Variants in DLGAP1 observed in about 807,000 individuals in gnomAD.
DLGAP1 encodes disks large-associated protein 1.
A neutral mutation model predicts 90.8 loss-of-function variants in DLGAP1; 11 were observed. The ratio of observed to expected loss-of-function variants is 0.12; its 90% CI spans 0.08 to 0.20. The LOEUF (loss-of-function observed/expected upper bound fraction) is 0.20. Ranked by LOEUF, DLGAP1 falls within the 10% of genes least tolerant of loss-of-function variation. The pLI is 1.00. For missense variants in DLGAP1, 1,050 were observed against 1,333.8 expected, an observed-to-expected ratio of 0.79 and a Z score of 3.31; for synonymous variants, 558 against 540.7, an observed-to-expected ratio of 1.03 and a Z score of -0.44.
At chr18:3,542,937 A>G (rs1376358747) in intron 9 of DLGAP1, among the ~76,000 whole-genome samples, 1 of 152,228 alleles carries the variant, frequency 6.6e-6, no homozygotes, top group Admixed American at 6.5e-5. Context: ...TAATAAGCAG[A>G]AAGGCAAAAT....
intron 1 of DLGAP1, among the ~76,000 whole-genome samples, chr18:4,236,762 T>C (rs938789295): frequency 6.6e-6 from 1 of 152,062 alleles, no homozygotes. Context: ...CTTTTCTAGC[T>C]GATTTACAAA....
chr18:3,831,712 C>A (rs2068044709), intron 4 of DLGAP1, among the ~76,000 whole-genome samples: 1 of 152,178 alleles, frequency 6.6e-6, no homozygotes, highest in African/African-American at 2.4e-5. Context: ...TTCAGATCTC[C>A]TTTGGCCCAT....
At chr18:4,018,718 T>C (rs1401577556) in intron 2 of DLGAP1, among the ~76,000 whole-genome samples, 1 of 152,204 alleles carries the variant, frequency 6.6e-6, no homozygotes, top group African/African-American at 2.4e-5. Context: ...TGAAGACAAA[T>C]ACAGAATTAT....
chr18:3,871,265 G>A (rs2070732646), intron 4 of DLGAP1, among the ~76,000 whole-genome samples: 2 of 152,172 alleles, frequency 1.3e-5, no homozygotes, highest in Non-Finnish European at 2.9e-5. Flanking sequence ...TTTACAAGGA[G>A]ATTATTAGAT....
intron 1 of DLGAP1, among the ~76,000 whole-genome samples, chr18:4,397,439 A>C (rs542871146): frequency 7.2e-5 from 11 of 152,286 alleles, no homozygotes; most frequent in Admixed American, 5.2e-4. Flanking sequence ...TTGAAACCAC[A>C]CTTTATATCA....
At position 4,008,989 on chromosome 18, in the gene DLGAP1, T is replaced by A. The variant is rs147117380; in HGVS notation, c.-158-3788A>T. 6.0e-3 allele frequency among the ~76,000 whole-genome samples: 915 copies of A among 152,290 alleles called. 6 individuals carry two copies. Among genetic ancestry groups the A allele is most frequent in the South Asian group, 0.024 (117 of 4,828 alleles). On this transcript the variant is annotated intron_variant, in intron 2 of 12. Coordinates refer to ENST00000315677, the MANE Select transcript of DLGAP1 (RefSeq NM_004746.4). ...CGCGATCTCGGCTCACTGCAAGCTC[T>A]GCCTCCCGGGTTCACGCCGTTCTCC... is the stretch of plus-strand genomic sequence containing the variant.
At chr18:4,445,419 G>A (rs964546680) in intron 1 of DLGAP1, among the ~76,000 whole-genome samples, 7 of 150,560 alleles carry the variant, frequency 4.6e-5, no homozygotes, top group Admixed American at 4.6e-4. Flanking sequence ...CTAGCATTAG[G>A]TATATCTCCC....
chr18:4,157,956 T>TA (rs1461255225), intron 1 of DLGAP1, among the ~76,000 whole-genome samples: 46 of 152,238 alleles, frequency 3.0e-4, no homozygotes, highest in African/African-American at 1.1e-3. Context: ...CTTCCTTGAA[T>TA]AATTCCCTGT....
At chr18:3,560,590 A>G (rs1466964564) in intron 9 of DLGAP1, among the ~76,000 whole-genome samples, 1 of 66,616 alleles carries the variant, frequency 1.5e-5, no homozygotes, top group Non-Finnish European at 2.5e-5. Context: ...ACTCAGTCTC[A>G]AAAAAAAAAA....
In DLGAP1 at chr18:3,974,909, A is replaced by C. The variant is rs1007491244; in HGVS notation, c.-73+30207T>G. Among the ~76,000 whole-genome samples the C allele has an allele frequency of 7.2e-4, 109 of 152,292 alleles. 1 individual carries two copies. The highest frequency in any genetic ancestry group is 2.6e-3 in the African/African-American group (107 of 41,566). ...CTTGAGGACATAAAAAAAAAATAAA[A>C]ATAAAAATTAATCAGTCTCAAAAAG... On this transcript the variant is annotated intron_variant, in intron 3 of 12. Coordinates refer to ENST00000315677, the MANE Select transcript of DLGAP1 (RefSeq NM_004746.4).
chr18:4,396,508 G>T (rs1293468410), intron 1 of DLGAP1, among the ~76,000 whole-genome samples: 1 of 152,212 alleles, frequency 6.6e-6, no homozygotes, highest in African/African-American at 2.4e-5. Flanking sequence ...GAAGGAAAAA[G>T]CCTTTCCCAG....
At chr18:4,130,664 G>A (rs1217839007) in intron 2 of DLGAP1, among the ~76,000 whole-genome samples, 5 of 152,022 alleles carry the variant, frequency 3.3e-5, no homozygotes, top group African/African-American at 4.8e-5. Context: ...CCCTCCCATC[G>A]CACACACATA....
intron 7 of DLGAP1, among the ~76,000 whole-genome samples, chr18:3,599,916 C>CA (rs2056803611): frequency 6.6e-6 from 1 of 150,848 alleles, no homozygotes; most frequent in African/African-American, 2.5e-5. Context: ...CATTCCCAGC[C>CA]AATTTTTTTT....
At chr18:4,052,065 G>A (rs2075141821) in intron 2 of DLGAP1, among the ~76,000 whole-genome samples, 1 of 152,140 alleles carries the variant, frequency 6.6e-6, no homozygotes, top group South Asian at 2.1e-4. Context: ...CTCCCATCCT[G>A]GCTGCTTTCA....
chr18:4,258,933 ATC>A (rs1234570187), intron 1 of DLGAP1, among the ~76,000 whole-genome samples: 1 of 152,142 alleles, frequency 6.6e-6, no homozygotes, highest in Non-Finnish European at 1.5e-5. Context: ...CCTAATGCAA[ATC>A]TCATAGAATG....
chr18:4,044,962 T>G (rs550818457), intron 2 of DLGAP1, among the ~76,000 whole-genome samples: 1 of 152,258 alleles, frequency 6.6e-6, no homozygotes, highest in East Asian at 1.9e-4. Context: ...CACCACCTCC[T>G]CTTCCCATAG....
At chr18:4,406,549 G>A (rs1306926131) in intron 1 of DLGAP1, among the ~76,000 whole-genome samples, 1 of 152,212 alleles carries the variant, frequency 6.6e-6, no homozygotes, top group Non-Finnish European at 1.5e-5. Context: ...GAGGTTAACA[G>A]AGGTTTGTGA....
At chr18:4,439,914 C>T (rs750075920) in intron 1 of DLGAP1, among the ~76,000 whole-genome samples, 2 of 151,666 alleles carry the variant, frequency 1.3e-5, no homozygotes, top group Non-Finnish European at 2.9e-5. Context: ...GTCAGGAGAT[C>T]GAGACCATCC....
At chr18:4,205,138 G>T (rs2077695336) in intron 1 of DLGAP1, among the ~76,000 whole-genome samples, 1 of 152,204 alleles carries the variant, frequency 6.6e-6, no homozygotes, top group South Asian at 2.1e-4. Context: ...AGATGCCTGA[G>T]GAGGTAATAG....
Sources: allele counts gnomAD v4.1 joint callset (sites outside exome capture counted in the v4.1 genomes callset), GRCh38; gene constraint gnomAD v4.1.1; transcripts MANE v1.5; gene names NCBI Gene and HGNC (gene_info 2026-07-23, HGNC 2026-07-21).